The following HSPA9 variants were observed in gnomAD, a reference collection of about 807,000 sequenced individuals.
HSPA9 encodes the protein heat shock protein family A (Hsp70) member 9, also known as stress-70 protein, mitochondrial.
Under a neutral mutation model 81.5 loss-of-function variants are expected in HSPA9, and 28 were observed. The observed-to-expected ratio is 0.34, with a 90% CI of 0.25 to 0.47. HSPA9 has a LOEUF of 0.47. Ranked by LOEUF, HSPA9 falls within the 20% of genes least tolerant of loss-of-function variation. The pLI is 1.00. For missense variants in HSPA9, 678 were observed against 838.0 expected (o/e 0.81, Z 2.36); for synonymous variants, 293 against 290.4 (o/e 1.01, Z -0.09).
chr5:138,563,621 T>C (rs1056410130), intron 9 of HSPA9, among the ~76,000 whole-genome samples: 1 of 152,298 alleles, frequency 6.6e-6, no homozygotes. Flanking sequence ...CACATGACCA[T>C]GTTACTATCC....
intron 14 of HSPA9, 189 bp from the exon 15 acceptor site, chr5:138,557,055 C>T (rs1394619428): frequency 4.7e-6 from 3 of 639,950 alleles, no homozygotes; most frequent in African/African-American, 3.7e-5. Context: ...TTTGTAACAT[C>T]AGAATTGTGA....
intron 11 of HSPA9, chr5:138,558,968 A>G (rs1750592838): frequency 8.9e-6 from 3 of 335,212 alleles, no homozygotes; most frequent in South Asian, 8.6e-5. Context: ...AAGAAGATGT[A>G]TCATGCTCAG....
At position 138,556,075 on chromosome 5, in the gene HSPA9, C is replaced by T. The variant is rs748706250; in HGVS notation, c.2002G>A (p.Gly668Arg). Reference sequence around the variant, plus strand: ...TCCTTTTGATCTTCCTTTTGTTCCCCAGTGCCAGAACTTCCAGAGCCTTCT... The same window carrying T: ...TCCTTTTGATCTTCCTTTTGTTCCCTAGTGCCAGAACTTCCAGAGCCTTCT... ...EREGSGSSGT[G>R]EQKEDQKEEK... The change falls in exon 17 of 17, where the codon GGG becomes AGG. Residue 668 changes from glycine (G) to arginine (R), a missense_variant. Transcript: ENST00000297185. 1 of 1,613,540 alleles carries T rather than the reference C, an allele frequency of 6.2e-7. No individual in the cohort carries two copies. The highest frequency in any genetic ancestry group is 8.5e-7 in the Non-Finnish European group (1 of 1,179,722).
At chr5:138,566,425 A>G (rs917855668) in intron 9 of HSPA9, among the ~76,000 whole-genome samples, 10 of 152,160 alleles carry the variant, frequency 6.6e-5, no homozygotes. Context: ...TGAGTGGCTA[A>G]AAAAATTTCA....
At chr5:138,570,764 T>A in intron 4 of HSPA9, 196 bp downstream of exon 4, 1 of 569,818 alleles carries the variant, frequency 1.8e-6, no homozygotes, top group South Asian at 1.9e-5. Flanking sequence ...GGATTACAGG[T>A]GTGAGCCACT....
In HSPA9 at chr5:138,556,799, A is replaced by T; in HGVS notation, c.1796T>A (p.Phe599Tyr). ...CTCATCAGCAGGTAATTGGTCCTTG[A>T]ATTCTTCCATCTTGGTTTCTGTGTC... The part of the protein sequence containing the change: ...IHDTETKMEE[F>Y]KDQLPADECN... Residue 599 changes from phenylalanine (F) to tyrosine (Y), a missense_variant, in exon 15 of 17, where the codon TTC (phenylalanine) becomes TAC (tyrosine). Physicochemically the swap from Phe to Tyr is conservative, Grantham distance 22. Around this residue, in one of 4 missense-constraint regions of HSPA9, gnomAD observed 100 missense variants for 99.5 expected, o/e 1.00. Coordinates refer to ENST00000297185, the MANE Select transcript of HSPA9 (RefSeq NM_004134.7). The T allele has an allele frequency of 6.2e-7, 1 of 1,613,852 alleles. No homozygotes were observed. The highest frequency in any genetic ancestry group is 8.5e-7 in the Non-Finnish European group (1 of 1,179,730).
Position 138,564,623 on chromosome 5 carries a change from C to T in HSPA9, c.972+2003G>A, listed in dbSNP as rs926794242. Among the ~76,000 whole-genome samples the T allele has an allele frequency of 2.6e-5, 4 of 152,134 alleles. No homozygotes were observed. In the South Asian group the frequency reaches 8.3e-4, roughly 31 times the overall value. On this transcript the variant is annotated intron_variant, in intron 9 of 16. Transcript: ENST00000297185. ...TCACTATTTTGCCCAGGCTGGTCCC[C>T]AATTCCTGAGCTCAAGTGATATTCC...
In HSPA9 at chr5:138,561,764, G is replaced by A. The variant is rs765391681; in HGVS notation, c.998C>T (p.Thr333Ile). The A allele has an allele frequency of 1.2e-6, 2 of 1,614,028 alleles. No individual in the cohort carries two copies. Among genetic ancestry groups the A allele is most frequent in the South Asian group, 2.2e-5 (2 of 91,090 alleles). ...ATGCTTGGGTCCAGAAGAATCCATT[G>A]TAAGATAGGGCAAATTGATGTCAGT... ...VQTDINLPYL[T>I]MDSSGPKHLN... The change falls in exon 10 of 17, where the codon ACA becomes ATA. Residue 333 changes from threonine (T) to isoleucine (I), a missense_variant. Physicochemically the swap from Thr to Ile is moderately conservative, Grantham distance 89. Around this residue, in one of 4 missense-constraint regions of HSPA9, gnomAD observed 484 missense variants for 647.5 expected, o/e 0.75. Coordinates refer to ENST00000297185, the MANE Select transcript of HSPA9 (RefSeq NM_004134.7).
At chr5:138,572,730 A>C (rs775313455) in intron 3 of HSPA9, among the ~76,000 whole-genome samples, 1 of 152,106 alleles carries the variant, frequency 6.6e-6, no homozygotes, top group Non-Finnish European at 1.5e-5. Flanking sequence ...TTTGGCACCA[A>C]GAGATTATTC....
chr5:138,574,935 C>G (rs1159613070), intron 1 of HSPA9: 1 of 518,736 alleles, frequency 1.9e-6, no homozygotes, highest in Admixed American at 3.5e-5. Context: ...GACTGCATCC[C>G]TCACCCCCAA....
At chr5:138,573,915 T>C (rs1451154379) in intron 2 of HSPA9, 65 bp from the exon 3 acceptor site, 2 of 1,357,018 alleles carry the variant, frequency 1.5e-6, no homozygotes, top group African/African-American at 2.9e-5. Context: ...CACTGGAAGA[T>C]AATATTTAAT....
chr5:138,556,523 C>T lies in HSPA9; in HGVS notation c.1891G>A (p.Glu631Lys). The change falls in exon 16 of 17, where the codon GAA (glutamate) becomes AAA (lysine). Residue 631 changes from glutamate (E) to lysine (K), a missense_variant. Glu to Lys is a moderately conservative substitution (Grantham distance 56). Around this residue, in one of 4 missense-constraint regions of HSPA9, gnomAD observed 100 missense variants for 99.5 expected, o/e 1.00. Transcript: ENST00000297185. The part of the protein sequence containing the change: ...LLARKDSETG[E>K]NIRQAASSLQ... ...GAGGATGCTGCCTGTCTAATATTTTCTCCTGTTTCGCTGTCTTTTCTAGCC... is the reference window on the plus strand; with the variant it reads ...GAGGATGCTGCCTGTCTAATATTTTTTCCTGTTTCGCTGTCTTTTCTAGCC... 6.2e-7 allele frequency: 1 copy of T among 1,614,080 alleles called. No individual in the cohort carries two copies. Among genetic ancestry groups the T allele is most frequent in the Non-Finnish European group, 8.5e-7 (1 of 1,179,974 alleles).
At position 138,559,926 on chromosome 5, in the gene HSPA9, G is replaced by A. The variant is rs1750616292; in HGVS notation, c.1348C>T (p.Leu450=). ...ATAAGTTTGGTAAAGACACCTCCTA[G>A]AGTTTCAATACCCAGAGACAGGGGA... ...VTPLSLGIET[L]GGVFTKLINR... is the part of the protein sequence containing the mutation. The change falls in exon 11 of 17, where the codon CTA becomes TTA. Residue 450 remains leucine, a synonymous_variant. Coordinates refer to ENST00000297185, the MANE Select transcript of HSPA9 (RefSeq NM_004134.7). 6.2e-7 allele frequency: 1 copy of A among 1,613,984 alleles called. No individual in the cohort carries two copies. Among genetic ancestry groups the A allele is most frequent in the Non-Finnish European group, 8.5e-7 (1 of 1,180,010 alleles).
Position 138,554,953 on chromosome 5 carries a change from C to CA in HSPA9, c.*1083dup, listed in dbSNP as rs1172130036. On this transcript the variant is annotated 3_prime_UTR_variant, in exon 17 of 17. Transcript: ENST00000297185. The stretch of plus-strand genomic sequence containing the variant: ...GTATCTTAGGACTTATTTCTAGATG[C>CA]AGTTTCTTTAATGTAAGCCAATTCT... The CA allele has an allele frequency of 6.6e-6, 1 of 152,180 alleles. No homozygotes were observed. Among genetic ancestry groups the CA allele is most frequent in the Non-Finnish European group, 1.5e-5 (1 of 68,030 alleles). The allele number at this position is 152,180 out of a possible 1,614,324, so 9.4% of individuals were successfully genotyped here.
chr5:138,562,834 C>T (rs533668471), intron 9 of HSPA9, among the ~76,000 whole-genome samples: 46 of 152,288 alleles, frequency 3.0e-4, no homozygotes, highest in Non-Finnish European at 5.6e-4. Flanking sequence ...AGTTCCAGGA[C>T]GTTTACAAGT....
intron 9 of HSPA9, among the ~76,000 whole-genome samples, chr5:138,566,350 A>G (rs1750759705): frequency 6.6e-6 from 1 of 152,210 alleles, no homozygotes; most frequent in African/African-American, 2.4e-5. Context: ...CTTTAACTGA[A>G]AGGCAAACAA....
At position 138,561,714 on chromosome 5, in the gene HSPA9, G is replaced by C; in HGVS notation, c.1048C>G (p.Gln350Glu). ...AGATCAGTGACAATCCCTTCAAATT[G>C]AGCACGGGTCAACTTCATATTCAAA... ...KHLNMKLTRAQFEGIVTDLIR... is the reference protein window; with the variant it reads ...KHLNMKLTRAEFEGIVTDLIR... Residue 350 changes from glutamine to glutamate, a missense_variant, in exon 10 of 17, where the codon CAA becomes GAA. By Grantham distance (29) the Gln-to-Glu change is conservative. Transcript: ENST00000297185. 6.2e-7 allele frequency: 1 copy of C among 1,614,142 alleles called. No individual in the cohort carries two copies. Among genetic ancestry groups the C allele is most frequent in the Non-Finnish European group, 8.5e-7 (1 of 1,180,014 alleles).
In HSPA9 at chr5:138,573,896, G is replaced by A. The variant is rs759195924; in HGVS notation, c.141-46C>T. 4.8e-6 allele frequency: 7 copies of A among 1,456,022 alleles called. No homozygotes were observed. The Admixed American group carries it at 5.0e-5, about 10-fold the overall frequency. 90.2% of individuals were successfully genotyped at this position (1,456,022 alleles called of 1,614,324 possible). ...TGTCACAGCTATTGTTATCTTGATA[G>A]ACCAAAGTCACTGGAAGATAATATT... is the stretch of plus-strand genomic sequence containing the variant. On this transcript the variant is annotated intron_variant, in intron 2 of 16. Transcript: ENST00000297185.
chr5:138,562,334 G>A (rs1750679208), intron 9 of HSPA9, among the ~76,000 whole-genome samples: 1 of 150,518 alleles, frequency 6.6e-6, no homozygotes, highest in African/African-American at 2.4e-5. Flanking sequence ...TGGATCACGA[G>A]GTCAGGAGAT....
Sources: gnomAD v4.1 joint callset for allele counts (sites outside exome capture counted in the v4.1 genomes callset) on GRCh38, gnomAD v4.1.1 for gene constraint, gnomAD v4.1.1 regional missense constraint, MANE v1.5 for transcripts, NCBI Gene and HGNC (gene_info 2026-07-23, HGNC 2026-07-21) for gene names.